The following SCN11A variants were observed in gnomAD, a reference collection of about 807,000 sequenced individuals.
SCN11A encodes the protein sodium channel protein type 11 subunit alpha.
SCN11A carries 122 observed loss-of-function variants against 162.2 expected under a neutral mutation model. That is an observed-to-expected ratio of 0.75 (90% CI 0.65 to 0.87). The LOEUF (loss-of-function observed/expected upper bound fraction) is 0.87, where lower values mean the gene tolerates loss of function less well. SCN11A is among the 40% of genes least tolerant of loss of function. The probability of loss-of-function intolerance (pLI) is 0.00; values close to 1 mark genes in which losing one functional copy is unlikely to be tolerated. For missense variants in SCN11A, 2,015 were observed against 2,181.6 expected (o/e 0.92, Z 1.52); for synonymous variants, 758 against 751.5 (o/e 1.01, Z -0.14).
At chr3:38,969,294 T>C (rs2066802765) in intron 2 of SCN11A, among the ~76,000 whole-genome samples, 1 of 152,206 alleles carries the variant, frequency 6.6e-6, no homozygotes, top group African/African-American at 2.4e-5. Context: ...GCTTCAAATA[T>C]TTTCTCAATT....
At chr3:39,039,152 G>A (rs1328487163) in intron 1 of SCN11A, among the ~76,000 whole-genome samples, 1 of 152,172 alleles carries the variant, frequency 6.6e-6, no homozygotes, top group African/African-American at 2.4e-5. Flanking sequence ...TGGTCAGATG[G>A]CAGTCTCAGC....
intron 1 of SCN11A, among the ~76,000 whole-genome samples, chr3:39,040,369 A>G (rs999362580): frequency 3.3e-5 from 5 of 152,236 alleles, no homozygotes; most frequent in African/African-American, 1.2e-4. Flanking sequence ...GGTCACAACT[A>G]CAGGAAAAAA....
chr3:38,950,405 G>T (rs1316270146), intron 4 of SCN11A, 36 bp from the exon 5 acceptor site: 4 of 1,604,736 alleles, frequency 2.5e-6, no homozygotes, highest in Non-Finnish European at 3.4e-6. Flanking sequence ...CCTCAGAAAG[G>T]CCTCAGGAGG....
chr3:38,894,719 CA>C lies in SCN11A; in HGVS notation c.2648del (p.Leu883ArgfsTer5). 6.2e-7 allele frequency: 1 copy of C among 1,614,144 alleles called. No individual in the cohort carries two copies. The highest frequency in any genetic ancestry group is 8.5e-7 in the Non-Finnish European group (1 of 1,180,002). ...CTGAGCCCCTTTTCATCTCCATGAC[CA>C]GGGGAATGATGTCTTTGCTTTGTGC... is the stretch of plus-strand genomic sequence containing the variant. ...CAAQSKDIIPLVMEMKRGSET... is the reference protein window; with the variant it reads ...CAAQSKDIIPXVMEMKRGSET... On this transcript the variant is annotated frameshift_variant, in exon 19 of 30. Transcript: ENST00000302328. LOFTEE classifies it high-confidence loss of function.
intron 24 of SCN11A, 58 bp downstream of exon 24, chr3:38,872,135 T>A: frequency 9.8e-7 from 1 of 1,022,754 alleles, no homozygotes; most frequent in Non-Finnish European, 1.5e-6. Context: ...AAAGAACTGT[T>A]GGTCTTTCCA....
At chr3:38,999,070 A>T (rs74282048) in intron 2 of SCN11A, among the ~76,000 whole-genome samples, 5,524 of 152,248 alleles carry the variant, frequency 0.036, 215 homozygotes, top group East Asian at 0.18. Context: ...TAATAATTTT[A>T]AAAAAGCCTA....
At chr3:38,925,741 G>A (rs1163458442) in intron 8 of SCN11A, among the ~76,000 whole-genome samples, 1 of 152,248 alleles carries the variant, frequency 6.6e-6, no homozygotes, top group African/African-American at 2.4e-5. Flanking sequence ...GGACACAGAT[G>A]AAGACTCCTT....
chr3:38,908,195 G>A (rs1339003989), intron 13 of SCN11A, 73 bp from the exon 14 acceptor site: 2 of 1,347,018 alleles, frequency 1.5e-6, no homozygotes, highest in African/African-American at 2.9e-5. Flanking sequence ...ACCCCGACCT[G>A]AGAGTGGTGA....
At chr3:38,909,295 C>G in intron 12 of SCN11A, 101 bp from the exon 13 acceptor site, 1 of 1,059,392 alleles carries the variant, frequency 9.4e-7, no homozygotes, top group East Asian at 2.5e-5. Flanking sequence ...AACTGGTCTT[C>G]CCCCAGCACT....
chr3:38,912,680 C>T lies in SCN11A; in HGVS notation c.960-2473G>A, dbSNP rs79690731. Among the ~76,000 whole-genome samples, 119 of 152,144 alleles carry T rather than the reference C, an allele frequency of 7.8e-4. No individual in the cohort carries two copies. In the East Asian group the frequency reaches 0.019, roughly 24 times the overall value. On this transcript the variant is annotated intron_variant, in intron 11 of 29. Transcript: ENST00000302328. ...AGTAGCTGTTGTTCTTTTCTATGTC[C>T]GTGAGTTCTCATCATTTAACTCCCA... is the stretch of plus-strand genomic sequence containing the variant.
intron 7 of SCN11A, among the ~76,000 whole-genome samples, chr3:38,937,382 T>C (rs1423017825): frequency 6.7e-6 from 1 of 149,536 alleles, no homozygotes; most frequent in South Asian, 2.1e-4. Context: ...GGGATCTAAT[T>C]AAACTAAAGA....
chr3:38,990,371 C>T (rs139114936), intron 2 of SCN11A, among the ~76,000 whole-genome samples: 1 of 152,188 alleles, frequency 6.6e-6, no homozygotes, highest in African/African-American at 2.4e-5. Context: ...AATCTGCCCA[C>T]ACAATGCCTC....
chr3:39,045,410 C>G (rs1452658806), intron 1 of SCN11A, among the ~76,000 whole-genome samples: 1 of 152,196 alleles, frequency 6.6e-6, no homozygotes, highest in East Asian at 1.9e-4. Context: ...ATTAGCAAAC[C>G]AGATCCAACA....
chr3:38,961,022 T>G (rs2066735900), intron 2 of SCN11A, among the ~76,000 whole-genome samples: 1 of 152,190 alleles, frequency 6.6e-6, no homozygotes, highest in Admixed American at 6.5e-5. Context: ...TGGGGAAAAT[T>G]TAAGTCTCCC....
At chr3:39,034,117 G>A (rs1053462593) in intron 1 of SCN11A, among the ~76,000 whole-genome samples, 22 of 152,122 alleles carry the variant, frequency 1.4e-4, no homozygotes, top group African/African-American at 3.9e-4. Flanking sequence ...AGCCGAGATC[G>A]CACCACTGCA....
At position 38,886,216 on chromosome 3, in the gene SCN11A, T is replaced by C. The variant is rs760850989; in HGVS notation, c.2858A>G (p.Asn953Ser). The C allele has an allele frequency of 1.2e-6, 2 of 1,612,450 alleles. No individual in the cohort carries two copies. The highest frequency in any genetic ancestry group is 3.3e-5 in the Admixed American group (2 of 60,006). The change falls in exon 20 of 30, where the codon AAC becomes AGC. Residue 953 changes from asparagine to serine, a missense_variant. Transcript: ENST00000302328. Reference sequence around the variant, plus strand: ...AACTCTCTGGCTCGTGGGCTTCTTGTTCTCCTGATGGAGCTCATAGGCCTA... The same window carrying C: ...AACTCTCTGGCTCGTGGGCTTCTTGCTCTCCTGATGGAGCTCATAGGCCTA... ...EQQAYELHQE[N>S]KKPTSQRVQS...
intron 3 of SCN11A, among the ~76,000 whole-genome samples, chr3:38,958,742 C>T (rs1233433986): frequency 2.6e-5 from 4 of 152,188 alleles, no homozygotes; most frequent in East Asian, 1.9e-4. Flanking sequence ...AACCCTATAA[C>T]AAGAACATTT....
intron 2 of SCN11A, among the ~76,000 whole-genome samples, chr3:39,007,258 A>C (rs1485174009): frequency 3.3e-5 from 5 of 152,240 alleles, no homozygotes; most frequent in African/African-American, 1.2e-4. Context: ...AATTTTTTAA[A>C]GAAATGTCCA....
At chr3:39,000,412 T>C (rs1428416610) in intron 2 of SCN11A, among the ~76,000 whole-genome samples, 1 of 152,210 alleles carries the variant, frequency 6.6e-6, no homozygotes, top group Non-Finnish European at 1.5e-5. Context: ...TTTGCACATG[T>C]TCTTTACATT....
Sources: gnomAD v4.1 joint callset for allele counts (sites outside exome capture counted in the v4.1 genomes callset) on GRCh38, gnomAD v4.1.1 for gene constraint, MANE v1.5 for transcripts, NCBI Gene and HGNC (gene_info 2026-07-23, HGNC 2026-07-21) for gene names.